Variants in CPB2 observed in about 807,000 individuals in gnomAD.
The protein encoded by CPB2 is carboxypeptidase B2.
Under a neutral mutation model 57.0 loss-of-function variants are expected in CPB2, and 54 were observed. The ratio of observed to expected loss-of-function variants is 0.95; its 90% CI spans 0.76 to 1.19. The LOEUF (loss-of-function observed/expected upper bound fraction) is 1.19, where lower values mean the gene tolerates loss of function less well. Ranked by LOEUF, CPB2 falls within the 50% of genes most tolerant of loss-of-function variation. The pLI, the probability that CPB2 is intolerant of heterozygous loss-of-function variation, is 0.00. For missense variants in CPB2, 426 were observed against 512.0 expected (o/e 0.83, Z 1.62); for synonymous variants, 189 against 178.1 (o/e 1.06, Z -0.49).
chr13:46,081,197 A>AT (rs2045110912), intron 4 of CPB2, among the ~76,000 whole-genome samples: 1 of 152,076 alleles, frequency 6.6e-6, no homozygotes, highest in Non-Finnish European at 1.5e-5. Context: ...CCATGTGCTT[A>AT]TTTTTTCCTC....
In CPB2 at chr13:46,066,770, G is replaced by A. The variant is rs142502767; in HGVS notation, c.702+537C>T. On this transcript the variant is annotated intron_variant, in intron 7 of 10. Transcript: ENST00000181383. ...TGAGGCAGAAAAATCTCTTGAACCC[G>A]GGAGGTGGAGGTTGCAGTGAGCCGA... Among the ~76,000 whole-genome samples, 384 of 151,086 alleles carry A rather than the reference G, an allele frequency of 2.5e-3. 2 individuals are homozygous for A. The highest frequency in any genetic ancestry group is 8.3e-3 in the African/African-American group (343 of 41,112).
intron 8 of CPB2, among the ~76,000 whole-genome samples, chr13:46,058,970 C>G (rs904864305): frequency 3.3e-5 from 5 of 152,192 alleles, no homozygotes; most frequent in Non-Finnish European, 7.3e-5. Context: ...AACACTTCTC[C>G]CCCTGTCCCT....
At chr13:46,071,475 G>A (rs1392097891) in intron 6 of CPB2, among the ~76,000 whole-genome samples, 1 of 152,184 alleles carries the variant, frequency 6.6e-6, no homozygotes, top group Non-Finnish European at 1.5e-5. Flanking sequence ...AAGAGGAGTT[G>A]AGATGAGGTT....
At chr13:46,073,589 T>C in intron 6 of CPB2, 1 of 231,532 alleles carries the variant, frequency 4.3e-6, no homozygotes, top group South Asian at 1.4e-4. Context: ...TTAGTAAACA[T>C]ATTATAATCA....
At chr13:46,062,887 T>C (rs1035425928) in intron 8 of CPB2, among the ~76,000 whole-genome samples, 2 of 152,208 alleles carry the variant, frequency 1.3e-5, no homozygotes, top group Non-Finnish European at 2.9e-5. Flanking sequence ...GGGATTTTGA[T>C]AAAATGTTTA....
intron 4 of CPB2, among the ~76,000 whole-genome samples, 164 bp downstream of exon 4, chr13:46,082,277 T>A (rs3818477): frequency 6.6e-6 from 1 of 151,948 alleles, no homozygotes; most frequent in African/African-American, 2.4e-5. Flanking sequence ...TCAGGGAAGA[T>A]ATCTACCAAA....
At chr13:46,056,997 A>G (rs1292496088) in intron 9 of CPB2, among the ~76,000 whole-genome samples, 1 of 152,168 alleles carries the variant, frequency 6.6e-6, no homozygotes, top group Non-Finnish European at 1.5e-5. Flanking sequence ...GTCGCCTTAG[A>G]GTACAACTAT....
chr13:46,070,649 T>C (rs2044926481), intron 6 of CPB2, among the ~76,000 whole-genome samples: 1 of 152,026 alleles, frequency 6.6e-6, no homozygotes, highest in African/African-American at 2.4e-5. Context: ...GTTAATGGGG[T>C]TGCTAAAAAA....
At chr13:46,095,739 A>C (rs1008505788) in intron 1 of CPB2, among the ~76,000 whole-genome samples, 1 of 152,090 alleles carries the variant, frequency 6.6e-6, no homozygotes, top group African/African-American at 2.4e-5. Context: ...GTGCTCTGAA[A>C]TCTGTCCCTG....
intron 3 of CPB2, 119 bp downstream of exon 3, chr13:46,084,100 C>T: frequency 7.9e-7 from 1 of 1,263,642 alleles, no homozygotes; most frequent in Non-Finnish European, 1.1e-6. Context: ...CAGTCAGAGA[C>T]TTCTATGCTG....
In CPB2 at chr13:46,082,557, A is replaced by G. The variant is rs533780284; in HGVS notation, c.276-8T>C. On this transcript the variant is annotated splice_region_variant and splice_polypyrimidine_tract_variant and intron_variant, in intron 3 of 10. Transcript: ENST00000181383. ...ACATCTGCCAGCAAGACACTAGGTGATGAAACAGAGAGTGAGCTAGTTTCC... is the reference window on the plus strand; with the variant it reads ...ACATCTGCCAGCAAGACACTAGGTGGTGAAACAGAGAGTGAGCTAGTTTCC... The G allele has an allele frequency of 3.5e-5, 55 of 1,585,064 alleles. No individual in the cohort carries two copies. The highest frequency in any genetic ancestry group is 4.5e-5 in the Non-Finnish European group (52 of 1,154,010).
chr13:46,074,465 A>G (rs2044991554), intron 5 of CPB2, among the ~76,000 whole-genome samples: 1 of 152,206 alleles, frequency 6.6e-6, no homozygotes, highest in African/African-American at 2.4e-5. Flanking sequence ...TCACACAAAA[A>G]GAAGCACACA....
At chr13:46,076,113 T>G (rs1172583129) in intron 5 of CPB2, among the ~76,000 whole-genome samples, 3 of 152,196 alleles carry the variant, frequency 2.0e-5, no homozygotes, top group African/African-American at 7.2e-5. Flanking sequence ...GGTCTTACTT[T>G]AGTTTCAAAA....
At position 46,055,767 on chromosome 13, in the gene CPB2, G is replaced by T. The variant is rs762680223; in HGVS notation, c.1082C>A (p.Thr361Asn). The T allele has an allele frequency of 2.9e-5, 45 of 1,568,018 alleles. No homozygotes were observed. The East Asian group carries it at 1.0e-3, about 36-fold the overall frequency. ...TRYTHGHGSE[T>N]LYLAPGGGDD... ...TCATAAGAAGAAATACTTACATAAG[G>T]TTTCTGAGCCATGGCCATGTGTATA... Residue 361 changes from threonine (T) to asparagine (N), a missense_variant, in exon 10 of 11, where the codon ACC (threonine) becomes AAC (asparagine). Thr to Asn is a moderately conservative substitution (Grantham distance 65). Coordinates refer to ENST00000181383, the MANE Select transcript of CPB2 (RefSeq NM_001872.5).
At chr13:46,094,123 T>C (rs2139416968) in intron 1 of CPB2, among the ~76,000 whole-genome samples, 1 of 152,318 alleles carries the variant, frequency 6.6e-6, no homozygotes, top group East Asian at 1.9e-4. Context: ...GCACATTCCT[T>C]ATTATTTTCA....
chr13:46,090,881 C>A (rs1242193890), intron 1 of CPB2, among the ~76,000 whole-genome samples: 2 of 151,214 alleles, frequency 1.3e-5, no homozygotes, highest in African/African-American at 4.9e-5. Flanking sequence ...CACACCAACA[C>A]ACCTGGCTAA....
chr13:46,100,635 A>G (rs1275228560), intron 1 of CPB2: 1 of 152,238 alleles, frequency 6.6e-6, no homozygotes, highest in East Asian at 1.9e-4. Flanking sequence ...TTACAGACAC[A>G]AAGACTGGTG....
At chr13:46,063,215 A>G (rs539904781) in intron 8 of CPB2, among the ~76,000 whole-genome samples, 121 of 152,280 alleles carry the variant, frequency 7.9e-4, no homozygotes, top group African/African-American at 2.9e-3. Context: ...GGTTTTTTCC[A>G]TGGATATATT....
At chr13:46,080,060 G>A (rs1454612030) in intron 4 of CPB2, among the ~76,000 whole-genome samples, 1 of 152,208 alleles carries the variant, frequency 6.6e-6, no homozygotes. Flanking sequence ...TACTTCAGTA[G>A]ATTTCCTCTA....
Sources: allele counts gnomAD v4.1 joint callset (sites outside exome capture counted in the v4.1 genomes callset), GRCh38; gene constraint gnomAD v4.1.1; transcripts MANE v1.5; gene names NCBI Gene and HGNC (gene_info 2026-07-23, HGNC 2026-07-21).